Variants in RGS12 observed in about 807,000 individuals in gnomAD.
RGS12 encodes the protein regulator of G-protein signaling 12.
Under a neutral mutation model 120.1 loss-of-function variants are expected in RGS12, and 66 were observed. The observed-to-expected ratio is 0.55, with a 90% CI of 0.45 to 0.67. RGS12 has a LOEUF of 0.67. Among genes scored for constraint, RGS12 ranks in the 30% least tolerant of loss-of-function variants. The pLI is 0.00. For missense variants in RGS12, 1,859 were observed against 1,957.7 expected (o/e 0.95, Z 0.95); for synonymous variants, 827 against 804.7 (o/e 1.03, Z -0.47).
At chr4:3,356,818 C>T (rs114576345) in intron 3 of RGS12, among the ~76,000 whole-genome samples, 1,659 of 152,200 alleles carry the variant, frequency 0.011, 42 homozygotes, top group African/African-American at 0.038. Flanking sequence ...GTGTTGCTTC[C>T]GTGTTTTAGC....
intron 3 of RGS12, among the ~76,000 whole-genome samples, chr4:3,360,493 T>C (rs976196876): frequency 6.6e-6 from 1 of 152,212 alleles, no homozygotes; most frequent in Non-Finnish European, 1.5e-5. Context: ...AAATTTTTTA[T>C]GTAAGCATTT....
At chr4:3,439,233 C>T (rs1725097127) in intron 17 of RGS12, among the ~76,000 whole-genome samples, 1 of 152,080 alleles carries the variant, frequency 6.6e-6, no homozygotes. Context: ...CACTTGGTGG[C>T]AGGTGTTATG....
chr4:3,429,525 T>G (rs1376418084), intron 16 of RGS12, among the ~76,000 whole-genome samples: 1 of 152,168 alleles, frequency 6.6e-6, no homozygotes, highest in Non-Finnish European at 1.5e-5. Context: ...TGAGAACCAG[T>G]GAAGTCAGAG....
chr4:3,328,423 A>G (rs1377617529), intron 2 of RGS12, among the ~76,000 whole-genome samples: 2 of 152,244 alleles, frequency 1.3e-5, no homozygotes, highest in African/African-American at 4.8e-5. Context: ...TAAGAAAACT[A>G]GAGAGTGGGT....
chr4:3,337,379 G>T (rs948304465), intron 2 of RGS12, among the ~76,000 whole-genome samples: 1 of 152,194 alleles, frequency 6.6e-6, no homozygotes, highest in African/African-American at 2.4e-5. Flanking sequence ...TATACCCAAA[G>T]AATTGAAATC....
At chr4:3,382,805 T>A (rs1053502484) in intron 3 of RGS12, among the ~76,000 whole-genome samples, 1 of 152,242 alleles carries the variant, frequency 6.6e-6, no homozygotes, top group African/African-American at 2.4e-5. Context: ...GTATTTTCAC[T>A]GTCGGACATT....
At chr4:3,348,857 A>G (rs1714088350) in intron 3 of RGS12, among the ~76,000 whole-genome samples, 1 of 152,226 alleles carries the variant, frequency 6.6e-6, no homozygotes, top group South Asian at 2.1e-4. Context: ...CACACGCAGC[A>G]AGGCCAAGCC....
intron 4 of RGS12, among the ~76,000 whole-genome samples, chr4:3,399,141 T>A (rs1228529279): frequency 6.6e-6 from 1 of 152,172 alleles, no homozygotes; most frequent in East Asian, 1.9e-4. Flanking sequence ...TCAAAGTGAT[T>A]TTCAGTGAAA....
intron 2 of RGS12, among the ~76,000 whole-genome samples, chr4:3,323,284 TCCA>T (rs1725326987): frequency 6.6e-6 from 1 of 152,222 alleles, no homozygotes; most frequent in African/African-American, 2.4e-5. Context: ...CATCTCATTC[TCCA>T]CCATTTGTTC....
chr4:3,346,802 A>G (rs907259491), intron 3 of RGS12, among the ~76,000 whole-genome samples: 1 of 152,188 alleles, frequency 6.6e-6, no homozygotes, highest in Admixed American at 6.5e-5. Flanking sequence ...AAGGCAGACT[A>G]TAGATTTTGC....
At chr4:3,401,379 T>C (rs1030543337) in intron 4 of RGS12, among the ~76,000 whole-genome samples, 1 of 152,248 alleles carries the variant, frequency 6.6e-6, no homozygotes, top group African/African-American at 2.4e-5. Context: ...CATTAGCTGT[T>C]ACTTGGGACA....
intron 4 of RGS12, among the ~76,000 whole-genome samples, chr4:3,403,599 T>G (rs1199795202): frequency 6.6e-6 from 1 of 152,216 alleles, no homozygotes; most frequent in Non-Finnish European, 1.5e-5. Context: ...GAGGTGCTAT[T>G]CCAGATCCCT....
intron 14 of RGS12, among the ~76,000 whole-genome samples, chr4:3,425,788 G>C (rs1723567104): frequency 2.2e-5 from 1 of 44,612 alleles, no homozygotes; most frequent in Non-Finnish European, 4.5e-5. Flanking sequence ...GGGTGAGCGG[G>C]GCCAGTGCAG....
At chr4:3,416,779 G>T (rs1237401696) in intron 7 of RGS12, 134 bp from the exon 8 acceptor site, 1 of 781,882 alleles carries the variant, frequency 1.3e-6, no homozygotes, top group East Asian at 2.5e-5. Context: ...AGGGCTGGCG[G>T]GGGAAAATGG....
intron 3 of RGS12, among the ~76,000 whole-genome samples, chr4:3,363,860 C>T (rs932662923): frequency 6.6e-6 from 1 of 151,942 alleles, no homozygotes; most frequent in Non-Finnish European, 1.5e-5. Context: ...TGAGGGTGGC[C>T]TGGAGGGCTG....
intron 17 of RGS12, among the ~76,000 whole-genome samples, chr4:3,435,961 C>T (rs1306823852): frequency 1.9e-5 from 2 of 103,790 alleles, no homozygotes; most frequent in Admixed American, 8.2e-5. Flanking sequence ...CCCCCACTCC[C>T]CTATTCCCCA....
chr4:3,437,788 C>T (rs1397005944), intron 17 of RGS12, among the ~76,000 whole-genome samples: 3 of 152,202 alleles, frequency 2.0e-5, no homozygotes, highest in East Asian at 1.9e-4. Context: ...GCTGCTGCGT[C>T]GAGGCCAGGA....
chr4:3,316,534 C>T lies in RGS12; in HGVS notation c.364C>T (p.Pro122Ser). 1 of 1,614,120 alleles carries T rather than the reference C, an allele frequency of 6.2e-7. No individual in the cohort carries two copies. Among genetic ancestry groups the T allele is most frequent in the Middle Eastern group, 1.6e-4 (1 of 6,062 alleles). Residue 122 changes from proline (P) to serine (S), a missense_variant, in exon 2 of 18, where the codon CCC (proline) becomes TCC (serine). Physicochemically the swap from Pro to Ser is moderately conservative, Grantham distance 74 (BLOSUM62 -1). Coordinates refer to ENST00000336727, the MANE Select transcript of RGS12 (RefSeq NM_001394154.1). ...GLYEGKGWLK[P>S]KLDSKALGIN... is the part of the protein sequence containing the mutation. The stretch of plus-strand genomic sequence containing the variant: ...CTATGAAGGAAAAGGCTGGCTGAAG[C>T]CCAAGCTGGATTCTAAAGCACTAGG...
intron 14 of RGS12, 50 bp from the exon 15 acceptor site, chr4:3,428,040 T>G: frequency 6.5e-7 from 1 of 1,542,192 alleles, no homozygotes; most frequent in Non-Finnish European, 9.0e-7. Flanking sequence ...CTATGAAACA[T>G]TCAGATGGAT....
Sources: gnomAD v4.1 joint callset for allele counts (sites outside exome capture counted in the v4.1 genomes callset) on GRCh38, gnomAD v4.1.1 for gene constraint, MANE v1.5 for transcripts, NCBI Gene and HGNC (gene_info 2026-07-23, HGNC 2026-07-21) for gene names.